Variants in HIBADH observed in about 807,000 individuals in gnomAD.
The protein encoded by HIBADH is 3-hydroxyisobutyrate dehydrogenase, mitochondrial.
Under a neutral mutation model 36.1 loss-of-function variants are expected in HIBADH, and 25 were observed. That is an observed-to-expected ratio of 0.69 (90% confidence interval 0.50 to 0.97). The LOEUF is 0.97. Ranked by LOEUF, HIBADH falls within the 50% of genes least tolerant of loss-of-function variation. The pLI is 0.00. For missense variants in HIBADH, 421 were observed against 418.0 expected, an observed-to-expected ratio of 1.01 and a Z score of -0.06; for synonymous variants, 160 against 149.5, an observed-to-expected ratio of 1.07 and a Z score of -0.51.
intron 4 of HIBADH, among the ~76,000 whole-genome samples, chr7:27,581,825 C>A (rs558412445): frequency 6.6e-6 from 1 of 151,204 alleles, no homozygotes; most frequent in Non-Finnish European, 1.5e-5. Context: ...AAATGAGATT[C>A]TATTACAAAA....
At chr7:27,565,270 G>A (rs1172399129) in intron 4 of HIBADH, among the ~76,000 whole-genome samples, 1 of 152,136 alleles carries the variant, frequency 6.6e-6, no homozygotes, top group African/African-American at 2.4e-5. Context: ...CCACAACAAA[G>A]GCTCTTGCCC....
Position 27,531,280 on chromosome 7 carries a change from T to C in HIBADH, c.764A>G (p.Asp255Gly), listed in dbSNP as rs1289296339. ...CACTCCAGGTACAGGATTATAAGTG[T>C]CACTTGACCAACACCGTCCTGAGCT... ...NMSSGRCWSS[D>G]TYNPVPGVMD... Residue 255 changes from aspartate (D) to glycine (G), a missense_variant, in exon 7 of 8, where the codon GAC becomes GGC. By Grantham distance (94) the Asp-to-Gly change is moderately conservative. Transcript: ENST00000265395. 1 of 1,613,914 alleles carries C rather than the reference T, an allele frequency of 6.2e-7. No homozygotes were observed. Among genetic ancestry groups the C allele is most frequent in the Non-Finnish European group, 8.5e-7 (1 of 1,179,968 alleles).
chr7:27,583,381 C>A (rs1052202352), intron 4 of HIBADH, among the ~76,000 whole-genome samples: 1 of 151,994 alleles, frequency 6.6e-6, no homozygotes, highest in Non-Finnish European at 1.5e-5. Context: ...AATACCTTCA[C>A]CAAAAGCCAG....
chr7:27,636,266 G>A (rs1051165759), intron 2 of HIBADH, among the ~76,000 whole-genome samples: 62 of 152,280 alleles, frequency 4.1e-4, no homozygotes, highest in African/African-American at 1.4e-3. Flanking sequence ...TAAACCAGAT[G>A]GGTAACAGAA....
chr7:27,559,826 A>G (rs1784440286), intron 4 of HIBADH, among the ~76,000 whole-genome samples: 1 of 152,194 alleles, frequency 6.6e-6, no homozygotes, highest in South Asian at 2.1e-4. Context: ...TAAACTAAGC[A>G]TCACTGTTAA....
intron 4 of HIBADH, among the ~76,000 whole-genome samples, chr7:27,585,861 G>T (rs1279334193): frequency 6.6e-6 from 1 of 151,708 alleles, no homozygotes; most frequent in African/African-American, 2.4e-5. Context: ...AAATTTTTTT[G>T]GAGAAAATGT....
intron 4 of HIBADH, among the ~76,000 whole-genome samples, chr7:27,623,772 A>G (rs773472295): frequency 1.2e-4 from 18 of 152,192 alleles, no homozygotes; most frequent in Non-Finnish European, 2.2e-4. Flanking sequence ...GAAAAACATG[A>G]CATGCTCATA....
At chr7:27,592,372 C>T (rs181882600) in intron 4 of HIBADH, among the ~76,000 whole-genome samples, 12 of 151,982 alleles carry the variant, frequency 7.9e-5, no homozygotes, top group Admixed American at 5.2e-4. Flanking sequence ...TTTAAGATAA[C>T]GAAGAGACTA....
intron 4 of HIBADH, among the ~76,000 whole-genome samples, chr7:27,574,309 T>TC (rs1325293015): frequency 1.3e-5 from 2 of 151,468 alleles, no homozygotes; most frequent in Non-Finnish European, 1.5e-5. Context: ...ATTTTTTTTT[T>TC]CCTCAAAGGA....
chr7:27,550,730 G>T (rs1486635709), intron 4 of HIBADH, among the ~76,000 whole-genome samples: 2 of 152,104 alleles, frequency 1.3e-5, no homozygotes, highest in Non-Finnish European at 2.9e-5. Context: ...GATTTTTCTG[G>T]TGTGTCTTAT....
intron 5 of HIBADH, among the ~76,000 whole-genome samples, chr7:27,540,262 C>G (rs909855312): frequency 2.6e-4 from 39 of 152,148 alleles, no homozygotes; most frequent in African/African-American, 9.2e-4. Context: ...GCCATACTGT[C>G]TAATGTCAAT....
chr7:27,563,733 A>T (rs1403523654), intron 4 of HIBADH, among the ~76,000 whole-genome samples: 1 of 151,866 alleles, frequency 6.6e-6, no homozygotes, highest in Non-Finnish European at 1.5e-5. Flanking sequence ...TCTTTTGCTC[A>T]TTTTCTAATT....
chr7:27,586,106 C>T (rs1282627647), intron 4 of HIBADH, among the ~76,000 whole-genome samples: 1 of 152,106 alleles, frequency 6.6e-6, no homozygotes, highest in Non-Finnish European at 1.5e-5. Flanking sequence ...ATGTTTTTTC[C>T]CTATGAACAA....
intron 1 of HIBADH, among the ~76,000 whole-genome samples, chr7:27,657,484 C>A (rs1452223258): frequency 6.6e-6 from 1 of 152,122 alleles, no homozygotes; most frequent in Non-Finnish European, 1.5e-5. Flanking sequence ...CTGGTGAAAT[C>A]TCAGCAAGAG....
intron 4 of HIBADH, among the ~76,000 whole-genome samples, chr7:27,615,320 T>C (rs774733886): frequency 2.0e-4 from 31 of 152,070 alleles, no homozygotes; most frequent in Non-Finnish European, 3.4e-4. Context: ...AGTCCTAGAG[T>C]TGCTAACAAC....
intron 3 of HIBADH, among the ~76,000 whole-genome samples, chr7:27,631,027 TCACCCATAA>T (rs1785737776): frequency 6.6e-6 from 1 of 152,150 alleles, no homozygotes; most frequent in Non-Finnish European, 1.5e-5. Flanking sequence ...AAATAAAGAA[TCACCCATAA>T]GAAGCAAATT....
At chr7:27,649,776 T>C (rs1786145667) in intron 1 of HIBADH, 143 bp from the exon 2 acceptor site, 2 of 636,970 alleles carry the variant, frequency 3.1e-6, no homozygotes, top group East Asian at 6.1e-5. Context: ...TGCACACCTA[T>C]AATCCCAGCT....
At chr7:27,583,131 G>A (rs1445601403) in intron 4 of HIBADH, among the ~76,000 whole-genome samples, 4 of 151,952 alleles carry the variant, frequency 2.6e-5, no homozygotes, top group African/African-American at 4.8e-5. Flanking sequence ...GAAATAAGAT[G>A]ATATTTACAA....
At chr7:27,588,765 G>A (rs1449452237) in intron 4 of HIBADH, among the ~76,000 whole-genome samples, 1 of 152,130 alleles carries the variant, frequency 6.6e-6, no homozygotes, top group African/African-American at 2.4e-5. Context: ...TACTCTAAAA[G>A]CACAAAGTGT....
Sources: allele counts gnomAD v4.1 joint callset (sites outside exome capture counted in the v4.1 genomes callset), GRCh38; gene constraint gnomAD v4.1.1; transcripts MANE v1.5; gene names NCBI Gene and HGNC (gene_info 2026-07-23, HGNC 2026-07-21).